MGST1: variants seen among roughly 807,000 people sequenced by gnomAD.
MGST1 encodes glutathione S-transferase 12.
Under a neutral mutation model 8.9 loss-of-function variants are expected in MGST1, and 5 were observed. The ratio of observed to expected loss-of-function variants is 0.56; its 90% confidence interval spans 0.29 to 1.19. The LOEUF (loss-of-function observed/expected upper bound fraction) is 1.19, where lower values mean the gene tolerates loss of function less well. Among genes scored for constraint, MGST1 ranks in the 50% most tolerant of loss-of-function variants. The pLI is 0.08. For missense variants in MGST1, 182 were observed against 187.4 expected (o/e 0.97, Z 0.17); for synonymous variants, 54 against 67.8 (o/e 0.80, Z 1.00).
chr12:16,533,669 A>C (rs1265526818), intron 4 of MGST1, among the ~76,000 whole-genome samples: 1 of 151,878 alleles, frequency 6.6e-6, no homozygotes, highest in Non-Finnish European at 1.5e-5. Context: ...TATGTGCCAG[A>C]TATTGTTATA....
chr12:16,583,967 G>A (rs570975960), intron 4 of MGST1, among the ~76,000 whole-genome samples: 1 of 152,326 alleles, frequency 6.6e-6, no homozygotes, highest in Non-Finnish European at 1.5e-5. Context: ...CAGGACTACA[G>A]TGTGGAGTTT....
chr12:16,406,964 A>G (rs1940701781), intron 1 of MGST1, among the ~76,000 whole-genome samples: 1 of 152,198 alleles, frequency 6.6e-6, no homozygotes, highest in South Asian at 2.1e-4. Context: ...ACCCTGGAAA[A>G]CAATCTAGGC....
Position 16,491,243 on chromosome 12 carries a change from CA to C in MGST1, n.483-98283del, listed in dbSNP as rs1282565812. 2.0e-5 allele frequency among the ~76,000 whole-genome samples: 3 copies of C among 152,154 alleles called. No homozygotes were observed. The East Asian group carries it at 5.8e-4, about 29-fold the overall frequency. On this transcript the variant is annotated intron_variant and non_coding_transcript_variant, in intron 4 of 4. Transcript: ENST00000538857. ...AATATTTGACATATCACCCTGATCC[CA>C]ATTACCTTATGTGTAAAATGGAGCT... is the stretch of plus-strand genomic sequence containing the variant.
In MGST1 at chr12:16,560,395, A is replaced by G. The variant is rs1942357916; in HGVS notation, n.483-29133A>G. ...AGAGGTTAACCATTTCTTAGAGACC[A>G]AAAAGAGACCTGCTTACCTCTGATT... On this transcript the variant is annotated intron_variant and non_coding_transcript_variant, in intron 4 of 4. Transcript: ENST00000538857. This position sits in a 1 kb window ranked among gnomAD's most constrained non-coding sequence, Gnocchi z 5.0. The G allele has an allele frequency of 6.2e-7, 1 of 1,608,422 alleles. No individual in the cohort carries two copies. Among genetic ancestry groups the G allele is most frequent in the Non-Finnish European group, 8.5e-7 (1 of 1,177,616 alleles).
In MGST1 at chr12:16,389,288, C is replaced by T. The variant is rs1285478495; in HGVS notation, n.778+5684C>T. Among the ~76,000 whole-genome samples, 2 of 152,182 alleles carry T rather than the reference C, an allele frequency of 1.3e-5. No individual in the cohort carries two copies. Among genetic ancestry groups the T allele is most frequent in the Non-Finnish European group, 2.9e-5 (2 of 68,040 alleles). Reference sequence around the variant, plus strand: ...CATCAACAGTTTGTATCTCAACAGTCATTTATTGAGCCAGTTATTTGTAAT... The same window carrying T: ...CATCAACAGTTTGTATCTCAACAGTTATTTATTGAGCCAGTTATTTGTAAT... On this transcript the variant is annotated intron_variant and non_coding_transcript_variant, in intron 1 of 1. Coordinates refer to the MGST1 transcript ENST00000359720. The surrounding 1 kb of genome is among the most constrained non-coding windows in gnomAD (Gnocchi z 4.6).
intron 1 of MGST1, among the ~76,000 whole-genome samples, chr12:16,408,418 A>G (rs1217433468): frequency 6.6e-6 from 1 of 152,180 alleles, no homozygotes; most frequent in Admixed American, 6.5e-5. Context: ...CCTGAAAGGT[A>G]TTTTAATGAA....
intron 1 of MGST1, chr12:16,399,823 G>C (rs1940638425): frequency 4.1e-6 from 5 of 1,216,078 alleles, no homozygotes; most frequent in Non-Finnish European, 6.1e-6. Flanking sequence ...CATTGATCAT[G>C]GTCACTTTCT....
chr12:16,420,554 A>C (rs1168306695), intron 1 of MGST1, among the ~76,000 whole-genome samples: 1 of 152,162 alleles, frequency 6.6e-6, no homozygotes, highest in African/African-American at 2.4e-5. Context: ...GATGGAGTGA[A>C]GGGAGGAGAA....
At chr12:16,415,921 T>C (rs1940783910) in intron 1 of MGST1, among the ~76,000 whole-genome samples, 1 of 152,220 alleles carries the variant, frequency 6.6e-6, no homozygotes, top group Non-Finnish European at 1.5e-5. Context: ...TTCTATAAAA[T>C]TTATTTTATA....
At chr12:16,545,788 T>A (rs1258494292) in intron 4 of MGST1, among the ~76,000 whole-genome samples, 4 of 152,072 alleles carry the variant, frequency 2.6e-5, no homozygotes, top group Admixed American at 2.0e-4. Context: ...ATATAATCAC[T>A]CTCATTCCCA....
At chr12:16,432,721 C>A (rs924441527) in intron 1 of MGST1, among the ~76,000 whole-genome samples, 3 of 130,984 alleles carry the variant, frequency 2.3e-5, no homozygotes, top group Non-Finnish European at 4.7e-5. Context: ...CACACACACA[C>A]ACACACACAC....
downstream of MGST1, among the ~76,000 whole-genome samples, chr12:16,591,140 T>C (rs1359462091): frequency 1.3e-5 from 2 of 151,950 alleles, no homozygotes; most frequent in African/African-American, 4.8e-5. The surrounding 1 kb of genome is among the most constrained non-coding windows in gnomAD (Gnocchi z 4.1). Context: ...CAGTGATAGG[T>C]GGTACCATAG....
At chr12:16,406,826 TG>T (rs1940700990) in intron 1 of MGST1, among the ~76,000 whole-genome samples, 1 of 152,190 alleles carries the variant, frequency 6.6e-6, no homozygotes, top group African/African-American at 2.4e-5. Flanking sequence ...ATTCAGTAAA[TG>T]GTGCTGGGAT....
intron 4 of MGST1, among the ~76,000 whole-genome samples, chr12:16,452,329 C>A (rs1480709945): frequency 6.6e-6 from 1 of 151,304 alleles, no homozygotes; most frequent in Admixed American, 6.6e-5. Flanking sequence ...ACATCATATA[C>A]TAGTGGATGC....
intron 3 of MGST1, among the ~76,000 whole-genome samples, chr12:16,374,568 A>G (rs1422794124): frequency 1.3e-5 from 2 of 152,158 alleles, no homozygotes; most frequent in Non-Finnish European, 2.9e-5. Flanking sequence ...ATGAAGAAGA[A>G]AAATGTCATA....
intron 4 of MGST1, among the ~76,000 whole-genome samples, chr12:16,449,651 A>G (rs1472543402): frequency 6.6e-6 from 1 of 151,934 alleles, no homozygotes; most frequent in African/African-American, 2.4e-5. Flanking sequence ...GATCAACTAT[A>G]TTGTGATGCC....
At chr12:16,570,874 A>G (rs1262062317) in intron 4 of MGST1, among the ~76,000 whole-genome samples, 1 of 152,136 alleles carries the variant, frequency 6.6e-6, no homozygotes, top group Non-Finnish European at 1.5e-5. Context: ...ATGATCAAAC[A>G]TTTCTTCTAG....
intron 1 of MGST1, among the ~76,000 whole-genome samples, chr12:16,393,442 G>A (rs930883215): frequency 5.3e-5 from 8 of 152,228 alleles, no homozygotes; most frequent in East Asian, 1.9e-4. Flanking sequence ...GCAACGAGAG[G>A]CTGCTCACAC....
At chr12:16,472,759 G>C (rs1008149272) in intron 4 of MGST1, among the ~76,000 whole-genome samples, 1 of 152,152 alleles carries the variant, frequency 6.6e-6, no homozygotes, top group African/African-American at 2.4e-5. Flanking sequence ...TTTTAAAAGT[G>C]CTCTTAAATA....
Sources: allele counts gnomAD v4.1 joint callset (sites outside exome capture counted in the v4.1 genomes callset), GRCh38; gene constraint gnomAD v4.1.1; non-coding constraint Gnocchi (gnomAD v3.1); transcripts MANE v1.5; gene names NCBI Gene and HGNC (gene_info 2026-07-23, HGNC 2026-07-21).